STK11IP: variants seen among roughly 807,000 people sequenced by gnomAD.
STK11IP encodes serine/threonine-protein kinase 11-interacting protein.
In STK11IP, 103 loss-of-function variants were observed where a neutral mutation model predicts 131.7. The ratio of observed to expected loss-of-function variants is 0.78; its 90% CI spans 0.67 to 0.92. The LOEUF (loss-of-function observed/expected upper bound fraction) is 0.92, where lower values mean the gene tolerates loss of function less well. STK11IP is among the 40% of genes least tolerant of loss of function. The pLI is 0.00. For synonymous variants in STK11IP, 557 were observed against 575.6 expected (o/e 0.97, Z 0.46); for missense variants, 1,315 against 1,385.7 (o/e 0.95, Z 0.81).
In STK11IP at chr2:219,605,645, A is replaced by G. The variant is rs761812997; in HGVS notation, c.656A>G (p.Asn219Ser). ...CTCCACCATCTGGACATCTCCTATAATCGCCTGCATTTGGTGCCAAGAATG... is the reference window on the plus strand; with the variant it reads ...CTCCACCATCTGGACATCTCCTATAGTCGCCTGCATTTGGTGCCAAGAATG... ...CELHHLDISYNRLHLVPRMGP... is the reference protein window; with the variant it reads ...CELHHLDISYSRLHLVPRMGP... Residue 219 changes from asparagine (N) to serine (S), a missense_variant, in exon 8 of 25, where the codon AAT becomes AGT. Transcript: ENST00000456909. 9.0e-6 allele frequency: 14 copies of G among 1,553,734 alleles called. No individual in the cohort carries two copies. In the East Asian group the frequency reaches 3.4e-4, roughly 38 times the overall value.
Position 219,608,354 on chromosome 2 carries a change from G to A in STK11IP, c.1527G>A (p.Glu509=). The A allele has an allele frequency of 6.3e-7, 1 of 1,585,212 alleles. No individual in the cohort carries two copies. The highest frequency in any genetic ancestry group is 8.6e-7 in the Non-Finnish European group (1 of 1,165,768). ...AGGAGGGGAAGGAGGAGAAGGAGGAGGGGGAGATGGTGGAACAGGGAGAAG... is the reference window on the plus strand; with the variant it reads ...AGGAGGGGAAGGAGGAGAAGGAGGAAGGGGAGATGGTGGAACAGGGAGAAG... ...EEKEGKEEKE[E]GEMVEQGEEE... Residue 509 remains glutamate (E), a synonymous_variant, in exon 14 of 25, where the codon GAG becomes GAA. Transcript: ENST00000456909.
chr2:219,609,561 C>G (rs764334295), intron 17 of STK11IP, 21 bp downstream of exon 17: 1 of 1,552,866 alleles, frequency 6.4e-7, no homozygotes, highest in South Asian at 1.2e-5. Context: ...TGCCCTTGAC[C>G]TCTCTGCCCA....
chr2:219,612,642 T>C (rs144503514), intron 19 of STK11IP, among the ~76,000 whole-genome samples: 11 of 152,238 alleles, frequency 7.2e-5, no homozygotes, highest in African/African-American at 2.6e-4. Flanking sequence ...CGCAAATGCA[T>C]GGAGGCCCGA....
At chr2:219,613,707 C>T (rs749055206) in intron 20 of STK11IP, 45 bp from the exon 21 acceptor site, 1 of 1,611,082 alleles carries the variant, frequency 6.2e-7, no homozygotes, top group Non-Finnish European at 8.5e-7. Flanking sequence ...GGGACTCTCA[C>T]TCCACTCTCA....
At chr2:219,613,586 G>T (rs529369000) in intron 20 of STK11IP, among the ~76,000 whole-genome samples, 166 bp from the exon 21 acceptor site, 68 of 131,472 alleles carry the variant, frequency 5.2e-4, no homozygotes, top group Non-Finnish European at 4.4e-4. Context: ...TGAGTGAGGG[G>T]GAGATGGGGT....
rs753232181 is a variant in STK11IP at position 219,608,715 on chromosome 2, G to T, written c.1736G>T (p.Arg579Leu). The T allele has an allele frequency of 6.2e-7, 1 of 1,613,032 alleles. No individual in the cohort carries two copies. Among genetic ancestry groups the T allele is most frequent in the Non-Finnish European group, 8.5e-7 (1 of 1,179,716 alleles). ...CTCCAAGCAGCTCGCACCTTGGAGC[G>T]ACTGGAGCTCCAGAGTCTGGAGGCA... ...VELQAARTLE[R>L]LELQSLEAAE... The change falls in exon 15 of 25, where the codon CGA (arginine) becomes CTA (leucine). Residue 579 changes from arginine to leucine, a missense_variant. Coordinates refer to ENST00000456909, the MANE Select transcript of STK11IP (RefSeq NM_052902.4).
chr2:219,614,531 G>A lies in STK11IP; in HGVS notation c.2854G>A (p.Ala952Thr). Reference sequence around the variant, plus strand: ...GGCTCGCCAGTTCTTCTACCTTCGGGCGTTCCTGGTTGAAGGTGAAGCCTC... The same window carrying A: ...GGCTCGCCAGTTCTTCTACCTTCGGACGTTCCTGGTTGAAGGTGAAGCCTC... Reference protein sequence around the residue: ...LEARQFFYLRAFLVEGPSTCL... With the variant: ...LEARQFFYLRTFLVEGPSTCL... The change falls in exon 23 of 25, where the codon GCG becomes ACG. Residue 952 changes from alanine to threonine, a missense_variant. Coordinates refer to ENST00000456909, the MANE Select transcript of STK11IP (RefSeq NM_052902.4). 6.2e-7 allele frequency: 1 copy of A among 1,613,800 alleles called. No homozygotes were observed.
chr2:219,614,563 G>A lies in STK11IP; in HGVS notation c.2869+17G>A, dbSNP rs769140628. On this transcript the variant is annotated intron_variant, in intron 23 of 24. Coordinates refer to ENST00000456909, the MANE Select transcript of STK11IP (RefSeq NM_052902.4). ...TGGTTGAAGGTGAAGCCTCTGTGCAGCTGATGCTTCCCTGGTCTCTGTACC... is the reference window on the plus strand; with the variant it reads ...TGGTTGAAGGTGAAGCCTCTGTGCAACTGATGCTTCCCTGGTCTCTGTACC... 17 of 1,613,086 alleles carry A rather than the reference G, an allele frequency of 1.1e-5. No homozygotes were observed. The highest frequency in any genetic ancestry group is 1.4e-5 in the Non-Finnish European group (17 of 1,179,252).
chr2:219,606,385 G>T (rs1489911216), intron 10 of STK11IP, 91 bp from the exon 11 acceptor site: 6 of 1,549,874 alleles, frequency 3.9e-6, no homozygotes, highest in Non-Finnish European at 5.3e-6. Flanking sequence ...AGGGGCCAAG[G>T]ACCTGGACCC....
chr2:219,613,749 C>CAGT lies in STK11IP; in HGVS notation c.2538-2_2538dup. 6.2e-7 allele frequency: 1 copy of CAGT among 1,612,328 alleles called. No homozygotes were observed. ...TCCATTGCTCTGTCCCCTCTCTCCA[C>CAGT]AGTGAGCCTCCAGCTAGCTGGCTGC... is the stretch of plus-strand genomic sequence containing the variant. On this transcript the variant is annotated splice_region_variant and splice_polypyrimidine_tract_variant and intron_variant, in intron 20 of 24. Transcript: ENST00000456909.
chr2:219,607,888 C>T (rs762620180), intron 13 of STK11IP, among the ~76,000 whole-genome samples, 159 bp from the exon 14 acceptor site: 3 of 152,124 alleles, frequency 2.0e-5, no homozygotes, highest in South Asian at 2.1e-4. Flanking sequence ...CCATAGGACA[C>T]GCTTTAGTAC....
rs201112575 is a variant in STK11IP, at chr2:219,602,485, C to T, written c.456C>T (p.Cys152=). 1.8e-4 allele frequency: 284 copies of T among 1,613,682 alleles called. 1 individual carries two copies. In the African/African-American group the frequency reaches 3.2e-3, roughly 18 times the overall value. ...LQALEELLSA[C]GGDFCSALPW... ...CTGCTCAGGAGCTCCTCTCAGCCTG[C>T]GGCGGCGACTTCTGCTCTGCCCTCC... is the stretch of plus-strand genomic sequence containing the variant. Residue 152 remains cysteine (C), a synonymous_variant, in exon 6 of 25, where the codon TGC becomes TGT. Transcript: ENST00000456909.
intron 23 of STK11IP, 49 bp from the exon 24 acceptor site, chr2:219,615,045 A>T (rs1346644747): frequency 6.3e-7 from 1 of 1,577,396 alleles, no homozygotes; most frequent in East Asian, 2.3e-5. Flanking sequence ...GGCCCCAGGG[A>T]TCTGGGCCCC....
Position 219,606,811 on chromosome 2 carries a change from C to T in STK11IP, c.1087C>T (p.Leu363Phe). The change falls in exon 12 of 25, where the codon CTC becomes TTC. Residue 363 changes from leucine to phenylalanine, a missense_variant. By Grantham distance (22) the Leu-to-Phe change is conservative. Coordinates refer to ENST00000456909, the MANE Select transcript of STK11IP (RefSeq NM_052902.4). ...AGGTGGCCCTGACCTGAGTGACAGCCTCTCCTCAGGGGGTGTTGTGACCCA... is the reference window on the plus strand; with the variant it reads ...AGGTGGCCCTGACCTGAGTGACAGCTTCTCCTCAGGGGGTGTTGTGACCCA... ...TSGGPDLSDS[L>F]SSGGVVTQPL... 5 of 1,613,742 alleles carry T rather than the reference C, an allele frequency of 3.1e-6. No individual in the cohort carries two copies. The highest frequency in any genetic ancestry group is 4.2e-6 in the Non-Finnish European group (5 of 1,179,822).
rs775065155 is a variant in STK11IP at position 219,601,396 on chromosome 2, C to G, written c.223C>G (p.Leu75Val). The stretch of plus-strand genomic sequence containing the variant: ...TGCCGACTCCCCTGTTATTCTTCAG[C>G]TTCAGTTTCTCTTCGATGTGCTGCA... ...HPADSPVILQ[L>V]QFLFDVLQKT... Residue 75 changes from leucine (L) to valine (V), a missense_variant, in exon 3 of 25, where the codon CTT (leucine) becomes GTT (valine). Coordinates refer to ENST00000456909, the MANE Select transcript of STK11IP (RefSeq NM_052902.4). 1.2e-6 allele frequency: 2 copies of G among 1,614,044 alleles called. No homozygotes were observed. Among genetic ancestry groups the G allele is most frequent in the Non-Finnish European group, 1.7e-6 (2 of 1,179,918 alleles).
intron 2 of STK11IP, among the ~76,000 whole-genome samples, chr2:219,599,977 C>A (rs1010192454): frequency 6.6e-6 from 1 of 151,132 alleles, no homozygotes; most frequent in Admixed American, 6.6e-5. Context: ...ACCTCGTGAT[C>A]CACCCGCCTT....
chr2:219,606,366 C>A (rs756062723), intron 10 of STK11IP, 76 bp downstream of exon 10: 4 of 1,543,218 alleles, frequency 2.6e-6, no homozygotes, highest in Admixed American at 2.0e-5. Context: ...CTCTTGCCAT[C>A]CCTGGGTGAG....
chr2:219,609,748 T>G, intron 17 of STK11IP: 2 of 521,670 alleles, frequency 3.8e-6, no homozygotes, highest in Admixed American at 3.2e-5. Flanking sequence ...TATCCTGTTT[T>G]TTTTTTTTTT....
intron 24 of STK11IP, 47 bp from the exon 25 acceptor site, chr2:219,615,997 G>C: frequency 6.2e-7 from 1 of 1,602,338 alleles, no homozygotes; most frequent in South Asian, 1.1e-5. Flanking sequence ...TACCCACCCT[G>C]GTGTGGTCCC....
Sources: allele counts gnomAD v4.1 joint callset (sites outside exome capture counted in the v4.1 genomes callset), GRCh38; gene constraint gnomAD v4.1.1; transcripts MANE v1.5; gene names NCBI Gene and HGNC (gene_info 2026-07-23, HGNC 2026-07-21).